Variants in RPA2 observed in about 807,000 individuals in gnomAD.
The protein encoded by RPA2 is replication protein A 32 kDa subunit.
A neutral mutation model predicts 33.4 loss-of-function variants in RPA2; 22 were observed. The ratio of observed to expected loss-of-function variants is 0.66; its 90% CI spans 0.47 to 0.94. The LOEUF (loss-of-function observed/expected upper bound fraction) is 0.94. RPA2 is among the 40% of genes least tolerant of loss of function. The pLI, the probability that RPA2 is intolerant of heterozygous loss-of-function variation, is 0.00. For missense variants in RPA2, 279 were observed against 329.9 expected (o/e 0.85, Z 1.19); for synonymous variants, 109 against 114.9 (o/e 0.95, Z 0.33).
intron 4 of RPA2, among the ~76,000 whole-genome samples, chr1:27,905,207 C>T (rs1219651908): frequency 2.6e-5 from 4 of 152,142 alleles, no homozygotes; most frequent in South Asian, 2.1e-4. Flanking sequence ...TGGCAATACA[C>T]GCTTTTCTGT....
chr1:27,907,338 C>G, intron 2 of RPA2, 56 bp from the exon 3 acceptor site: 2 of 1,298,396 alleles, frequency 1.5e-6, no homozygotes, highest in Admixed American at 4.0e-5. Flanking sequence ...ACCACTCATT[C>G]AACACCTGCC....
At chr1:27,903,143 G>T (rs746810500) in intron 4 of RPA2, among the ~76,000 whole-genome samples, 3 of 152,024 alleles carry the variant, frequency 2.0e-5, no homozygotes, top group African/African-American at 7.2e-5. Flanking sequence ...TGGCGGTGCC[G>T]GTCTTGAACT....
rs1557478333 is a variant in RPA2 at position 27,914,534 on chromosome 1, C to G, written c.-91G>C. On this transcript the variant is annotated 5_prime_UTR_variant, in exon 1 of 9. Coordinates refer to ENST00000373912, the MANE Select transcript of RPA2 (RefSeq NM_002946.5). ...AGAACGCGGCCGCCACTGCGCCGCT[C>G]TGGCTACTTTTCTCTGGCACCACAA... 1.9e-6 allele frequency: 3 copies of G among 1,608,686 alleles called. No individual in the cohort carries two copies. The highest frequency in any genetic ancestry group is 2.5e-6 in the Non-Finnish European group (3 of 1,177,864).
At chr1:27,900,397 C>T (rs1406780688) in intron 4 of RPA2, among the ~76,000 whole-genome samples, 1 of 152,088 alleles carries the variant, frequency 6.6e-6, no homozygotes, top group Non-Finnish European at 1.5e-5. Context: ...CACGCATGAG[C>T]CACCGCACCT....
intron 4 of RPA2, among the ~76,000 whole-genome samples, chr1:27,898,839 G>C (rs1427900640): frequency 3.3e-5 from 5 of 152,026 alleles, no homozygotes; most frequent in Admixed American, 2.0e-4. Context: ...TTACAGGCTT[G>C]AGCCATCGTG....
At chr1:27,900,143 G>A (rs922913410) in intron 4 of RPA2, among the ~76,000 whole-genome samples, 3 of 152,066 alleles carry the variant, frequency 2.0e-5, no homozygotes, top group Admixed American at 1.3e-4. Flanking sequence ...ATAAGGTCTC[G>A]TTTTATCATC....
At position 27,909,708 on chromosome 1, in the gene RPA2, CAAAAAGAGAAAAAAAAA is replaced by C. The variant is rs2090074363; in HGVS notation, c.118-2443_118-2427del. On this transcript the variant is annotated intron_variant, in intron 2 of 8. Transcript: ENST00000373912. The stretch of plus-strand genomic sequence containing the variant: ...CAGCCTGGGCAACAGAGACTCTCCT[CAAAAAGAGAAAAAAAAA>C]AAAGAGCGGTCGCTCTTGGTCACAT... 2.0e-5 allele frequency among the ~76,000 whole-genome samples: 3 copies of C among 147,934 alleles called. No individual in the cohort carries two copies. In the Admixed American group the frequency reaches 2.0e-4, roughly 10 times the overall value.
intron 4 of RPA2, among the ~76,000 whole-genome samples, chr1:27,902,261 A>T (rs1557469062): frequency 1.4e-5 from 2 of 147,348 alleles, no homozygotes; most frequent in Admixed American, 6.9e-5. Context: ...TAATTTTTTA[A>T]TTTTTTTTAT....
chr1:27,905,434 T>C (rs1201939675), intron 4 of RPA2, among the ~76,000 whole-genome samples: 2 of 151,406 alleles, frequency 1.3e-5, no homozygotes, highest in Non-Finnish European at 1.5e-5. Context: ...GCTGGGATTA[T>C]AGGTGCGCAG....
In RPA2 at chr1:27,914,175, T is replaced by C. The variant is rs2090138338; in HGVS notation, c.11-6A>G. On this transcript the variant is annotated splice_region_variant and splice_polypyrimidine_tract_variant and intron_variant, in intron 1 of 8. Coordinates refer to ENST00000373912, the MANE Select transcript of RPA2 (RefSeq NM_002946.5). Reference sequence around the variant, plus strand: ...GCCATAGCTTTCGAATCCACCTGTTTTGAACAACAGGATTAGTGCCTGTGC... The same window carrying C: ...GCCATAGCTTTCGAATCCACCTGTTCTGAACAACAGGATTAGTGCCTGTGC... The C allele has an allele frequency of 1.9e-6, 3 of 1,613,566 alleles. No individual in the cohort carries two copies. Among genetic ancestry groups the C allele is most frequent in the Non-Finnish European group, 2.5e-6 (3 of 1,179,906 alleles).
intron 7 of RPA2, 72 bp downstream of exon 7, chr1:27,894,218 C>G (rs1180735502): frequency 4.6e-6 from 7 of 1,523,500 alleles, no homozygotes; most frequent in Non-Finnish European, 6.4e-6. Flanking sequence ...ACAGTCGTAG[C>G]TCATTAAGGA....
At chr1:27,904,583 T>A (rs1041264581) in intron 4 of RPA2, among the ~76,000 whole-genome samples, 9 of 152,136 alleles carry the variant, frequency 5.9e-5, no homozygotes, top group Admixed American at 2.6e-4. Flanking sequence ...AAGGAAAAAA[T>A]TTAAAAATTA....
intron 8 of RPA2, among the ~76,000 whole-genome samples, chr1:27,892,728 AGTAAC>A (rs28904905): frequency 4.1e-4 from 63 of 152,358 alleles, no homozygotes; most frequent in Non-Finnish European, 1.6e-4. Flanking sequence ...GGTTAGTGTC[AGTAAC>A]GTATTTAATA....
chr1:27,906,572 C>G (rs2148659700), intron 4 of RPA2, among the ~76,000 whole-genome samples: 1 of 152,244 alleles, frequency 6.6e-6, no homozygotes, highest in Admixed American at 6.5e-5. Context: ...TGCCTGTAAT[C>G]CCAGCTACTT....
intron 6 of RPA2, among the ~76,000 whole-genome samples, chr1:27,895,947 A>G (rs2089885754): frequency 6.6e-6 from 1 of 152,068 alleles, no homozygotes; most frequent in South Asian, 2.1e-4. Flanking sequence ...TGGCTCTTGC[A>G]CATCCTAGTC....
intron 2 of RPA2, among the ~76,000 whole-genome samples, chr1:27,911,326 G>C (rs1036514103): frequency 2.6e-5 from 4 of 152,156 alleles, no homozygotes; most frequent in Admixed American, 6.6e-5. Flanking sequence ...AAGAGTTTGA[G>C]ACCAGCCTGG....
At chr1:27,904,348 T>C (rs1489368495) in intron 4 of RPA2, among the ~76,000 whole-genome samples, 2 of 152,224 alleles carry the variant, frequency 1.3e-5, no homozygotes, top group African/African-American at 2.4e-5. Context: ...ATAGTAGTTC[T>C]TTAAGAGACA....
chr1:27,898,021 C>T (rs1209295311), intron 4 of RPA2, among the ~76,000 whole-genome samples: 1 of 152,112 alleles, frequency 6.6e-6, no homozygotes, highest in Non-Finnish European at 1.5e-5. Context: ...GAGGGAGTCT[C>T]GCTCTGTCAC....
chr1:27,914,177 G>C lies in RPA2; in HGVS notation c.11-8C>G. The C allele has an allele frequency of 6.2e-7, 1 of 1,613,572 alleles. No homozygotes were observed. Among genetic ancestry groups the C allele is most frequent in the South Asian group, 1.1e-5 (1 of 91,020 alleles). On this transcript the variant is annotated splice_region_variant and splice_polypyrimidine_tract_variant and intron_variant, in intron 1 of 8. Transcript: ENST00000373912. Reference sequence around the variant, plus strand: ...CATAGCTTTCGAATCCACCTGTTTTGAACAACAGGATTAGTGCCTGTGCCA... The same window carrying C: ...CATAGCTTTCGAATCCACCTGTTTTCAACAACAGGATTAGTGCCTGTGCCA...
Sources: gnomAD v4.1 joint callset for allele counts (sites outside exome capture counted in the v4.1 genomes callset) on GRCh38, gnomAD v4.1.1 for gene constraint, MANE v1.5 for transcripts, NCBI Gene and HGNC (gene_info 2026-07-23, HGNC 2026-07-21) for gene names.